Variants in GOLGB1 observed in about 807,000 individuals in gnomAD.
GOLGB1 encodes golgin B1, also known as golgin subfamily B member 1.
GOLGB1 carries 174 observed loss-of-function variants against 336.9 expected under a neutral mutation model. The ratio of observed to expected loss-of-function variants is 0.52; its 90% CI spans 0.46 to 0.59. The LOEUF is 0.59. Ranked by LOEUF, GOLGB1 falls within the 20% of genes least tolerant of loss-of-function variation. The pLI is 0.00. For synonymous variants in GOLGB1, 1,208 were observed against 1,289.2 expected, an observed-to-expected ratio of 0.94 and a Z score of 1.35; for missense variants, 3,331 against 3,645.3, an observed-to-expected ratio of 0.91 and a Z score of 2.22.
At chr3:121,671,469 A>G (rs533572891) in intron 17 of GOLGB1, among the ~76,000 whole-genome samples, 1 of 152,354 alleles carries the variant, frequency 6.6e-6, no homozygotes, top group East Asian at 1.9e-4. Context: ...GTATTTGCAT[A>G]TAACTTATAC....
At chr3:121,744,618 C>CAAAAAA (rs200070177) in intron 1 of GOLGB1, among the ~76,000 whole-genome samples, 1 of 59,954 alleles carries the variant, frequency 1.7e-5, no homozygotes, top group Admixed American at 2.0e-4. Context: ...GACCTTGTCT[C>CAAAAAA]AAAAAAAAAA....
intron 1 of GOLGB1, among the ~76,000 whole-genome samples, chr3:121,742,780 A>T (rs1007059472): frequency 2.0e-5 from 3 of 152,184 alleles, no homozygotes; most frequent in Non-Finnish European, 4.4e-5. Context: ...AAGAAAAAAA[A>T]TAACACCATC....
intron 17 of GOLGB1, among the ~76,000 whole-genome samples, chr3:121,670,006 G>A (rs1027923802): frequency 3.9e-5 from 6 of 152,292 alleles, no homozygotes; most frequent in East Asian, 1.9e-4. Context: ...ACAGGTCATC[G>A]TTCAGTCTTC....
Position 121,691,913 on chromosome 3 carries a change from T to C in GOLGB1, c.7451A>G (p.Asp2484Gly), listed in dbSNP as rs1240065102. The C allele has an allele frequency of 1.2e-6, 2 of 1,614,062 alleles. No individual in the cohort carries two copies. The highest frequency in any genetic ancestry group is 1.7e-6 in the Non-Finnish European group (2 of 1,180,002). The stretch of plus-strand genomic sequence containing the variant: ...ATGTCGCTCTTCCAGCTGTTGATAG[T>C]CACCCACTATGCGGTCTCGATCATT... ...LQNDRDRIVG[D>G]YQQLEERHLS... is the part of the protein sequence containing the mutation. Residue 2484 changes from aspartate (D) to glycine (G), a missense_variant, in exon 14 of 22, where the codon GAC (aspartate) becomes GGC (glycine). Asp to Gly is a moderately conservative substitution (Grantham distance 94). Transcript: ENST00000614479.
chr3:121,683,923 A>G (rs1212320279), intron 14 of GOLGB1, among the ~76,000 whole-genome samples: 1 of 151,864 alleles, frequency 6.6e-6, no homozygotes, highest in African/African-American at 2.4e-5. Flanking sequence ...AGGTCAAGAG[A>G]TCGAGACCAT....
intron 1 of GOLGB1, chr3:121,748,923 G>T (rs1237258996): frequency 7.1e-5 from 70 of 985,062 alleles, no homozygotes; most frequent in Middle Eastern, 5.2e-4. Flanking sequence ...CGGTTGTGCA[G>T]ATTAAACATA....
intron 1 of GOLGB1, among the ~76,000 whole-genome samples, chr3:121,747,251 A>ATG (rs1170599928): frequency 1.1e-4 from 15 of 138,706 alleles, no homozygotes; most frequent in Non-Finnish European, 2.0e-4. Context: ...ACAAAAATCC[A>ATG]TGTGTGTATA....
intron 1 of GOLGB1, among the ~76,000 whole-genome samples, chr3:121,746,708 G>A (rs1947313921): frequency 1.3e-5 from 2 of 152,098 alleles, no homozygotes; most frequent in African/African-American, 4.8e-5. Context: ...TCAAACTCCT[G>A]ACTCCAAGTG....
rs763507539 is a variant in GOLGB1, at chr3:121,693,852, A to G, written c.6671T>C (p.Ile2224Thr). 1.2e-5 allele frequency: 19 copies of G among 1,613,672 alleles called. No homozygotes were observed. The highest frequency in any genetic ancestry group is 2.2e-5 in the South Asian group (2 of 91,078). Residue 2224 changes from isoleucine (I) to threonine (T), a missense_variant, in exon 13 of 22, where the codon ATT (isoleucine) becomes ACT (threonine). Transcript: ENST00000614479. Reference sequence around the variant, plus strand: ...TCTAATTTCTTCTTCTTTGCTTTGAATCGCATCACTAAACTTCCTCTCCCA... The same window carrying G: ...TCTAATTTCTTCTTCTTTGCTTTGAGTCGCATCACTAAACTTCCTCTCCCA... ...KKWERKFSDA[I>T]QSKEEEIRLK...
intron 10 of GOLGB1, among the ~76,000 whole-genome samples, chr3:121,714,121 C>A (rs936165872): frequency 6.6e-6 from 1 of 152,138 alleles, no homozygotes; most frequent in African/African-American, 2.4e-5. Flanking sequence ...ATGCTAGAAA[C>A]CAAGAGGCAA....
intron 4 of GOLGB1, among the ~76,000 whole-genome samples, chr3:121,727,314 ATATATATTTTTTTTTTTT>A (rs1576446694): frequency 2.6e-5 from 1 of 38,540 alleles, no homozygotes; most frequent in Non-Finnish European, 5.8e-5. Flanking sequence ...ATATATATAT[ATATATATTTTTTTTTTTT>A]TTTTTTTTTT....
Position 121,696,407 on chromosome 3 carries a change from G to C in GOLGB1, c.4116C>G (p.Ala1372=), listed in dbSNP as rs372803632. 1.2e-6 allele frequency: 2 copies of C among 1,614,068 alleles called. No homozygotes were observed. Among genetic ancestry groups the C allele is most frequent in the Non-Finnish European group, 1.7e-6 (2 of 1,180,000 alleles). Residue 1372 remains alanine (A), a synonymous_variant, in exon 13 of 22, where the codon GCC becomes GCG. Transcript: ENST00000614479. ...KTVSHEAEVH[A]ESLQQKLESS... The stretch of plus-strand genomic sequence containing the variant: ...TTTCCAATTTCTGCTGCAGGCTTTC[G>C]GCATGGACTTCAGCTTCATGGGATA...
chr3:121,700,439 CTGTGACAA>C (rs887911838), intron 11 of GOLGB1, among the ~76,000 whole-genome samples: 1 of 152,040 alleles, frequency 6.6e-6, no homozygotes, highest in Non-Finnish European at 1.5e-5. Context: ...AACCCAAGTT[CTGTGACAA>C]TGTGTATATA....
Position 121,730,029 on chromosome 3 carries a change from G to C in GOLGB1, c.97-12C>G, listed in dbSNP as rs771507120. The C allele has an allele frequency of 4.4e-6, 7 of 1,594,776 alleles. No homozygotes were observed. The African/African-American group carries it at 8.1e-5, about 19-fold the overall frequency. ...TCTTGGTGTAATTCCTAATATTTAG[G>C]AAAAAAGTTGCCAGTGCACCAGGAA... On this transcript the variant is annotated splice_polypyrimidine_tract_variant and intron_variant, in intron 2 of 21. Transcript: ENST00000614479.
intron 14 of GOLGB1, among the ~76,000 whole-genome samples, chr3:121,687,251 G>A (rs1225115849): frequency 1.3e-5 from 2 of 152,158 alleles, no homozygotes; most frequent in African/African-American, 4.8e-5. Context: ...GAGAGAGCAA[G>A]ACTCCATCTC....
In GOLGB1 at chr3:121,697,574, C is replaced by T. The variant is rs758347183; in HGVS notation, c.2949G>A (p.Gln983=). ...PAGQISKEEL[Q]HEFDLLKKEN... ...CTTTCTTCAGAAGGTCAAATTCATG[C>T]TGAAGTTCTTCCTTACTTATTTGTC... Residue 983 remains glutamine (Q), a synonymous_variant, in exon 13 of 22, where the codon CAG becomes CAA. Transcript: ENST00000614479. The T allele has an allele frequency of 1.2e-5, 20 of 1,613,594 alleles. No individual in the cohort carries two copies. The highest frequency in any genetic ancestry group is 1.5e-5 in the Non-Finnish European group (18 of 1,179,966).
intron 1 of GOLGB1, among the ~76,000 whole-genome samples, chr3:121,732,216 T>C (rs569538705): frequency 6.6e-5 from 10 of 152,186 alleles, no homozygotes; most frequent in Admixed American, 2.0e-4. Flanking sequence ...AAATATGAAA[T>C]TGAATTCATA....
intron 1 of GOLGB1, among the ~76,000 whole-genome samples, chr3:121,732,103 C>A (rs1248356890): frequency 6.6e-6 from 1 of 152,014 alleles, no homozygotes; most frequent in African/African-American, 2.4e-5. Context: ...ATTCAAGCTA[C>A]CAAAAGCTCA....
At chr3:121,686,948 G>A (rs547605540) in intron 14 of GOLGB1, among the ~76,000 whole-genome samples, 83 of 152,308 alleles carry the variant, frequency 5.4e-4, no homozygotes, top group Middle Eastern at 3.4e-3. Flanking sequence ...GTAGGGAGCA[G>A]TAAAAGGGAA....
Sources: gnomAD v4.1 joint callset for allele counts (sites outside exome capture counted in the v4.1 genomes callset) on GRCh38, gnomAD v4.1.1 for gene constraint, MANE v1.5 for transcripts, NCBI Gene and HGNC (gene_info 2026-07-23, HGNC 2026-07-21) for gene names.